The following TAFA2 variants were observed in gnomAD, a reference collection of about 807,000 sequenced individuals.
TAFA2 encodes TAFA chemokine like family member 2, also known as chemokine-like protein TAFA-2.
In TAFA2, 7 loss-of-function variants were observed where a neutral mutation model predicts 18.8. The observed-to-expected ratio is 0.37, with a 90% CI of 0.21 to 0.70. The LOEUF is 0.70. Ranked by LOEUF, TAFA2 falls within the 30% of genes least tolerant of loss-of-function variation. The pLI, the probability that TAFA2 is intolerant of heterozygous loss-of-function variation, is 0.53. For synonymous variants in TAFA2, 60 were observed against 54.2 expected, an observed-to-expected ratio of 1.11 and a Z score of -0.47; for missense variants, 122 against 158.1, an observed-to-expected ratio of 0.77 and a Z score of 1.23.
intron 1 of TAFA2, among the ~76,000 whole-genome samples, chr12:61,967,359 T>TA (rs1253488673): frequency 5.9e-5 from 9 of 151,804 alleles, no homozygotes; most frequent in African/African-American, 2.2e-4. Context: ...AGAGATTCTA[T>TA]AGCAGAGCAA....
intron 1 of TAFA2, among the ~76,000 whole-genome samples, chr12:61,939,373 T>G (rs183193000): frequency 4.3e-4 from 65 of 152,360 alleles, no homozygotes; most frequent in African/African-American, 1.6e-3. Context: ...GCTAAAATCT[T>G]GCTATTTAAT....
chr12:62,014,977 C>A (rs971312208), intron 1 of TAFA2, among the ~76,000 whole-genome samples: 6 of 152,214 alleles, frequency 3.9e-5, no homozygotes, highest in African/African-American at 1.4e-4. Flanking sequence ...TTAGCAAATT[C>A]TTCTATAATT....
At chr12:62,065,136 C>G (rs575484132) in intron 1 of TAFA2, among the ~76,000 whole-genome samples, 1 of 152,014 alleles carries the variant, frequency 6.6e-6, no homozygotes, top group South Asian at 2.1e-4. Context: ...GTTCCAAAAA[C>G]CAGTCATAGT....
chr12:61,747,210 A>G (rs1306771304), intron 4 of TAFA2, among the ~76,000 whole-genome samples: 1 of 151,436 alleles, frequency 6.6e-6, no homozygotes, highest in Admixed American at 6.6e-5. Flanking sequence ...AAAAGTCAGG[A>G]AACAACAGGT....
At chr12:61,915,433 T>C (rs1876782434) in intron 1 of TAFA2, among the ~76,000 whole-genome samples, 1 of 152,226 alleles carries the variant, frequency 6.6e-6, no homozygotes, top group Admixed American at 6.5e-5. Context: ...TTCTGAGCCA[T>C]GTGTATTAGC....
intron 1 of TAFA2, among the ~76,000 whole-genome samples, chr12:61,972,440 G>T (rs1007644504): frequency 6.6e-6 from 1 of 151,516 alleles, no homozygotes; most frequent in African/African-American, 2.4e-5. Flanking sequence ...TCACTCTCTT[G>T]ACCTTTCCAA....
intron 1 of TAFA2, among the ~76,000 whole-genome samples, chr12:62,001,606 G>A (rs59936004): frequency 0.27 from 40,483 of 151,636 alleles, 5,681 homozygotes; most frequent in East Asian, 0.44. Flanking sequence ...CACTGATCTG[G>A]CAGGCGGTGG....
At chr12:61,956,874 G>A (rs945455513) in intron 1 of TAFA2, among the ~76,000 whole-genome samples, 3 of 152,188 alleles carry the variant, frequency 2.0e-5, no homozygotes, top group South Asian at 2.1e-4. Flanking sequence ...CATCTACAGT[G>A]TATTTGCCTT....
intron 1 of TAFA2, among the ~76,000 whole-genome samples, chr12:61,971,452 C>T (rs1244939012): frequency 1.3e-5 from 2 of 151,242 alleles, no homozygotes; most frequent in East Asian, 2.0e-4. Context: ...CAAATCTGCA[C>T]GTTGTGCACA....
At chr12:61,734,258 G>A (rs187921732) in intron 4 of TAFA2, among the ~76,000 whole-genome samples, 21 of 150,328 alleles carry the variant, frequency 1.4e-4, no homozygotes, top group East Asian at 1.4e-3. Flanking sequence ...GTAAACTATC[G>A]CAAGGACAAA....
rs193213623 is a variant in TAFA2, at chr12:62,168,224, C to T, written c.-2+23035G>A. Among the ~76,000 whole-genome samples, 8 of 152,246 alleles carry T rather than the reference C, an allele frequency of 5.3e-5. No homozygotes were observed. The East Asian group carries it at 7.7e-4, about 15-fold the overall frequency. On this transcript the variant is annotated intron_variant, in intron 1 of 4. Coordinates refer to ENST00000416284, the MANE Select transcript of TAFA2 (RefSeq NM_178539.5). Reference sequence around the variant, plus strand: ...AAGGAATCATAGAATTCTTATATCACGACTTTGTAACCCATCACTAATTAA... The same window carrying T: ...AAGGAATCATAGAATTCTTATATCATGACTTTGTAACCCATCACTAATTAA...
chr12:61,920,452 C>A (rs1877003523), intron 1 of TAFA2, among the ~76,000 whole-genome samples: 1 of 152,302 alleles, frequency 6.6e-6, no homozygotes, highest in African/African-American at 2.4e-5. Context: ...ACAAACCTTA[C>A]TAAAATAAAC....
intron 1 of TAFA2, among the ~76,000 whole-genome samples, chr12:61,988,461 T>C (rs529702760): frequency 6.6e-6 from 1 of 152,258 alleles, no homozygotes; most frequent in East Asian, 1.9e-4. Context: ...AGACAAACTC[T>C]GCTGGTAATA....
chr12:61,986,158 CTTTTTTTTTTTTTTTTT>C (rs551223452), intron 1 of TAFA2, among the ~76,000 whole-genome samples: 1 of 65,838 alleles, frequency 1.5e-5, no homozygotes, highest in African/African-American at 6.4e-5. Flanking sequence ...CTAAGCTCTT[CTTTTTTTTTTTTTTTTT>C]TTTTTTTTTT....
At chr12:61,870,308 G>C (rs1490137824) in intron 1 of TAFA2, among the ~76,000 whole-genome samples, 1 of 151,984 alleles carries the variant, frequency 6.6e-6, no homozygotes, top group Non-Finnish European at 1.5e-5. Context: ...TTTCTCACTG[G>C]CCACAGCATC....
At chr12:62,071,616 A>G (rs575400237) in intron 1 of TAFA2, among the ~76,000 whole-genome samples, 1 of 152,274 alleles carries the variant, frequency 6.6e-6, no homozygotes, top group Admixed American at 6.5e-5. Context: ...CAACTTCTCC[A>G]TGGAGGGATG....
chr12:61,738,184 T>C (rs1239452009), intron 4 of TAFA2, among the ~76,000 whole-genome samples: 1 of 151,834 alleles, frequency 6.6e-6, no homozygotes, highest in African/African-American at 2.4e-5. Context: ...CAAGGGTGAC[T>C]CAGCATTCAA....
In TAFA2 at chr12:61,917,035, G is replaced by A. The variant is rs561980925; in HGVS notation, c.-1-49609C>T. The stretch of plus-strand genomic sequence containing the variant: ...TAAGAACTCATACACGGTAAGGAGA[G>A]TGAGTCATGTGAGATCTCCCAGCCC... On this transcript the variant is annotated intron_variant, in intron 1 of 4. Coordinates refer to ENST00000416284, the MANE Select transcript of TAFA2 (RefSeq NM_178539.5). Among the ~76,000 whole-genome samples, 6 of 152,232 alleles carry A rather than the reference G, an allele frequency of 3.9e-5. No homozygotes were observed. In the South Asian group the frequency reaches 1.0e-3, roughly 26 times the overall value.
At chr12:61,733,705 A>G (rs1176375133) in intron 4 of TAFA2, among the ~76,000 whole-genome samples, 1,788 of 151,116 alleles carry the variant, frequency 0.012, 45 homozygotes, top group African/African-American at 0.041. Context: ...GTCAGGTAGC[A>G]TGATGCCTCC....
Sources: gnomAD v4.1 joint callset for allele counts (sites outside exome capture counted in the v4.1 genomes callset) on GRCh38, gnomAD v4.1.1 for gene constraint, MANE v1.5 for transcripts, NCBI Gene and HGNC (gene_info 2026-07-23, HGNC 2026-07-21) for gene names.